RSU1: variants seen among roughly 807,000 people sequenced by gnomAD.
The protein encoded by RSU1 is rsu-1.
Under a neutral mutation model 31.1 loss-of-function variants are expected in RSU1, and 26 were observed. That is an observed-to-expected ratio of 0.84 (90% CI 0.61 to 1.16). The LOEUF is 1.16. Ranked by LOEUF, RSU1 falls within the 50% of genes most tolerant of loss-of-function variation. The probability of loss-of-function intolerance (pLI) is 0.00; values close to 1 mark genes in which losing one functional copy is unlikely to be tolerated. For missense variants in RSU1, 320 were observed against 339.1 expected, an observed-to-expected ratio of 0.94 and a Z score of 0.44; for synonymous variants, 164 against 136.3, an observed-to-expected ratio of 1.20 and a Z score of -1.41.
chr10:16,663,399 G>A (rs1834923491), intron 8 of RSU1, among the ~76,000 whole-genome samples: 2 of 152,154 alleles, frequency 1.3e-5, no homozygotes, highest in Admixed American at 1.3e-4. Flanking sequence ...GTTGTAATTT[G>A]CTTACTTGGG....
intron 7 of RSU1, among the ~76,000 whole-genome samples, chr10:16,720,415 C>A (rs1006328143): frequency 6.6e-6 from 1 of 152,170 alleles, no homozygotes; most frequent in Non-Finnish European, 1.5e-5. Flanking sequence ...ATAGTCACTA[C>A]ATCATGACAG....
chr10:16,809,438 G>A (rs553716600), intron 2 of RSU1, among the ~76,000 whole-genome samples: 2 of 152,302 alleles, frequency 1.3e-5, no homozygotes, highest in African/African-American at 4.8e-5. Context: ...TGTAGAGGCA[G>A]CAAAGCTCTG....
Position 16,785,453 on chromosome 10 carries a change from TATATAC to T in RSU1, c.110-3375_110-3370del, listed in dbSNP as rs1227416101. Among the ~76,000 whole-genome samples the T allele has an allele frequency of 1.2e-3, 146 of 118,760 alleles. 3 individuals carry two copies. Among genetic ancestry groups the T allele is most frequent in the African/African-American group, 5.5e-3 (142 of 25,820 alleles). The allele number at this position is 118,760 out of a possible 152,430, so 77.9% of individuals were successfully genotyped here. On this transcript the variant is annotated intron_variant, in intron 2 of 8. Coordinates refer to ENST00000345264, the MANE Select transcript of RSU1 (RefSeq NM_012425.4). ...ATATATATATATACACATATATACATATATACATATATATATACACATATATACATA... is the reference window on the plus strand; with the variant it reads ...ATATATATATATACACATATATACATATATATATATACACATATATACATA...
intron 3 of RSU1, among the ~76,000 whole-genome samples, chr10:16,769,024 T>C (rs562683952): frequency 6.6e-6 from 1 of 152,354 alleles, no homozygotes; most frequent in African/African-American, 2.4e-5. Context: ...TGCCAGCCGG[T>C]ACTGCACCAC....
chr10:16,636,048 C>G (rs1260017002), intron 8 of RSU1, among the ~76,000 whole-genome samples: 1 of 152,226 alleles, frequency 6.6e-6, no homozygotes, highest in Non-Finnish European at 1.5e-5. Flanking sequence ...TCTCTTGCTG[C>G]TGGTGCCTCC....
chr10:16,689,397 G>C (rs1835498672), intron 8 of RSU1, among the ~76,000 whole-genome samples: 1 of 152,232 alleles, frequency 6.6e-6, no homozygotes, highest in Non-Finnish European at 1.5e-5. Flanking sequence ...TATCAGTGAA[G>C]TTATTTAAAG....
intron 2 of RSU1, among the ~76,000 whole-genome samples, chr10:16,799,403 G>A (rs558349321): frequency 6.6e-6 from 1 of 152,196 alleles, no homozygotes; most frequent in Admixed American, 6.5e-5. Flanking sequence ...TCACAGCATA[G>A]TAGGAGCAGA....
At position 16,753,020 on chromosome 10, in the gene RSU1, A is replaced by G; in HGVS notation, c.401-20T>C. On this transcript the variant is annotated intron_variant, in intron 5 of 8. Coordinates refer to ENST00000345264, the MANE Select transcript of RSU1 (RefSeq NM_012425.4). ...GGGTGGCTGCAAATTAAACAGCAAT[A>G]TATAAACAGGGTGGCATGGAACACA... The G allele has an allele frequency of 6.2e-7, 1 of 1,600,278 alleles. No homozygotes were observed. Among genetic ancestry groups the G allele is most frequent in the Non-Finnish European group, 8.6e-7 (1 of 1,167,538 alleles).
chr10:16,672,648 ATATT>A (rs1835131801), intron 8 of RSU1, among the ~76,000 whole-genome samples: 1 of 152,108 alleles, frequency 6.6e-6, no homozygotes, highest in Admixed American at 6.5e-5. Context: ...TTATATGTCT[ATATT>A]TATCGAACAC....
chr10:16,704,762 T>C (rs2131574673), intron 7 of RSU1, among the ~76,000 whole-genome samples: 1 of 152,322 alleles, frequency 6.6e-6, no homozygotes, highest in East Asian at 1.9e-4. Context: ...TTTGATTAGT[T>C]TTTTTGGTTC....
chr10:16,809,984 G>A (rs868438491), intron 2 of RSU1, among the ~76,000 whole-genome samples: 4 of 150,630 alleles, frequency 2.7e-5, no homozygotes, highest in Middle Eastern at 3.4e-3. Context: ...AATTTGGGAG[G>A]CCGGGGGTGG....
intron 8 of RSU1, among the ~76,000 whole-genome samples, chr10:16,639,625 C>G (rs1834404560): frequency 6.6e-6 from 1 of 152,198 alleles, no homozygotes; most frequent in Non-Finnish European, 1.5e-5. Flanking sequence ...CATTTGTTGA[C>G]TGATGAGAGC....
chr10:16,741,129 T>C (rs923236631), intron 7 of RSU1, among the ~76,000 whole-genome samples: 3 of 152,138 alleles, frequency 2.0e-5, no homozygotes, highest in African/African-American at 4.8e-5. Flanking sequence ...ATAAGTGAAA[T>C]AGCATTGAAA....
At chr10:16,686,501 G>A (rs1404752463) in intron 8 of RSU1, among the ~76,000 whole-genome samples, 1 of 152,184 alleles carries the variant, frequency 6.6e-6, no homozygotes, top group East Asian at 1.9e-4. Flanking sequence ...TGAAGAGAAT[G>A]TAACCTGACA....
chr10:16,760,930 G>A (rs1453868090), intron 4 of RSU1, among the ~76,000 whole-genome samples: 2 of 151,994 alleles, frequency 1.3e-5, no homozygotes, highest in Non-Finnish European at 2.9e-5. Context: ...TAAAATTGGA[G>A]CTCGTTTATT....
At chr10:16,656,333 G>A (rs370518778) in intron 8 of RSU1, among the ~76,000 whole-genome samples, 3 of 151,996 alleles carry the variant, frequency 2.0e-5, no homozygotes, top group Admixed American at 1.3e-4. Context: ...CTTATACATC[G>A]CAACTTGAAA....
intron 7 of RSU1, among the ~76,000 whole-genome samples, chr10:16,741,725 T>G (rs540171819): frequency 6.6e-6 from 1 of 152,140 alleles, no homozygotes; most frequent in South Asian, 2.1e-4. Context: ...TGTAATTTTC[T>G]AAGATCACCT....
chr10:16,617,727 T>C (rs546800464), intron 8 of RSU1, among the ~76,000 whole-genome samples: 1 of 151,904 alleles, frequency 6.6e-6, no homozygotes, highest in African/African-American at 2.4e-5. Flanking sequence ...ACAAAAGCCA[T>C]GGGGAAAGGA....
At chr10:16,674,714 A>G (rs1228455126) in intron 8 of RSU1, among the ~76,000 whole-genome samples, 1 of 152,164 alleles carries the variant, frequency 6.6e-6, no homozygotes, top group Non-Finnish European at 1.5e-5. Flanking sequence ...TGAATGAGAT[A>G]AGACAGCAAG....
Sources: gnomAD v4.1 joint callset for allele counts (sites outside exome capture counted in the v4.1 genomes callset) on GRCh38, gnomAD v4.1.1 for gene constraint, MANE v1.5 for transcripts, NCBI Gene and HGNC (gene_info 2026-07-23, HGNC 2026-07-21) for gene names.